Variants in UBE3A observed in about 807,000 individuals in gnomAD.
UBE3A encodes the protein ubiquitin protein ligase E3A, also known as ubiquitin-protein ligase E3A.
UBE3A carries 6 observed loss-of-function variants against 83.4 expected under a neutral mutation model. That is an observed-to-expected ratio of 0.07 (90% CI 0.04 to 0.14). The LOEUF is 0.14. Ranked by LOEUF, UBE3A falls within the 10% of genes least tolerant of loss-of-function variation. The pLI, the probability that UBE3A is intolerant of heterozygous loss-of-function variation, is 1.00. For synonymous variants in UBE3A, 337 were observed against 355.4 expected (o/e 0.95, Z 0.58); for missense variants, 456 against 1,036.1 (o/e 0.44, Z 7.69).
At chr15:25,392,833 G>C (rs2084714468) in intron 4 of UBE3A, among the ~76,000 whole-genome samples, 3 of 152,130 alleles carry the variant, frequency 2.0e-5, no homozygotes, top group African/African-American at 7.2e-5. Flanking sequence ...TGAAAATGGA[G>C]AGGCAGGGAA....
intron 4 of UBE3A, chr15:25,393,907 C>T (rs1364759470): frequency 6.6e-6 from 1 of 152,110 alleles, no homozygotes; most frequent in Non-Finnish European, 1.5e-5. Flanking sequence ...CTTTCTATAT[C>T]CAAATGCATT....
chr15:25,339,366 T>G, intron 12 of UBE3A, 109 bp from the exon 13 acceptor site: 1 of 1,374,938 alleles, frequency 7.3e-7, no homozygotes, highest in South Asian at 1.3e-5. Context: ...CGGTCTGCAA[T>G]GCAAACTATA....
intron 11 of UBE3A, among the ~76,000 whole-genome samples, chr15:25,345,402 A>G (rs1269391792): frequency 6.6e-6 from 1 of 152,178 alleles, no homozygotes; most frequent in South Asian, 2.1e-4. Flanking sequence ...AAAAAAGTTC[A>G]AATATATGTG....
At chr15:25,395,467 G>T (rs8038173) in intron 4 of UBE3A, among the ~76,000 whole-genome samples, 145,513 of 152,258 alleles carry the variant, frequency 0.96, 69,875 homozygotes, top group East Asian at 1. Flanking sequence ...ATGGGTATTT[G>T]GAAGGTGTAG....
In UBE3A at chr15:25,410,611, C is replaced by T. The variant is rs77056135; in HGVS notation, c.-101+1297G>A. Among the ~76,000 whole-genome samples, 3 of 152,288 alleles carry T rather than the reference C, an allele frequency of 2.0e-5. No individual in the cohort carries two copies. The East Asian group carries it at 5.8e-4, about 29-fold the overall frequency. ...AACCCAATATAAAACAGCAAGGTAT[C>T]TGCGAATACCAACGGTTAAAACATG... On this transcript the variant is annotated intron_variant, in intron 2 of 12. Transcript: ENST00000648336.
chr15:25,379,487 G>A (rs960280732), intron 4 of UBE3A, among the ~76,000 whole-genome samples: 1 of 152,084 alleles, frequency 6.6e-6, no homozygotes, highest in Non-Finnish European at 1.5e-5. Context: ...TGATGAGACA[G>A]GACTAAAGGA....
intron 1 of UBE3A, among the ~76,000 whole-genome samples, chr15:25,431,531 CAG>C (rs1893441597): frequency 1.3e-5 from 2 of 151,948 alleles, no homozygotes; most frequent in South Asian, 4.2e-4. Flanking sequence ...TTAGTAGAGA[CAG>C]GGTTTCACCA....
At chr15:25,386,421 G>T (rs2083149947) in intron 4 of UBE3A, among the ~76,000 whole-genome samples, 1 of 152,182 alleles carries the variant, frequency 6.6e-6, no homozygotes, top group Admixed American at 6.5e-5. Context: ...AAACAACTAT[G>T]ATTAATATGC....
At chr15:25,367,340 T>C (rs918474530) in intron 6 of UBE3A, among the ~76,000 whole-genome samples, 1 of 151,238 alleles carries the variant, frequency 6.6e-6, no homozygotes, top group East Asian at 1.9e-4. Context: ...AAATGTAAAT[T>C]TGTAAATATG....
intron 1 of UBE3A, among the ~76,000 whole-genome samples, chr15:25,432,639 T>C (rs1893801674): frequency 6.6e-6 from 1 of 152,214 alleles, no homozygotes; most frequent in Admixed American, 6.5e-5. Flanking sequence ...GTTTGGTTTC[T>C]ATAACTAAAG....
rs1227196043 is a variant in UBE3A at position 25,336,130 on chromosome 15, T to C, written c.*3007A>G. On this transcript the variant is annotated 3_prime_UTR_variant, in exon 13 of 13. Transcript: ENST00000648336. ...GGGACTCTGTACTTGTAAAACCCTC[T>C]ACCCTCCCCAGGCAATTCTTTACAC... 1 of 151,980 alleles carries C rather than the reference T, an allele frequency of 6.6e-6. No homozygotes were observed. The allele number at this position is 151,980 out of a possible 1,614,324, so 9.4% of individuals were successfully genotyped here. A position where few individuals can be genotyped will look rare whatever the true frequency, so the allele number is the denominator to read the frequency against.
At chr15:25,379,502 A>G (rs1013131740) in intron 4 of UBE3A, among the ~76,000 whole-genome samples, 10 of 152,220 alleles carry the variant, frequency 6.6e-5, no homozygotes, top group African/African-American at 2.4e-4. Flanking sequence ...AAAGGAAGCC[A>G]TGCCAGAACC....
intron 1 of UBE3A, among the ~76,000 whole-genome samples, chr15:25,434,342 G>C (rs115605180): frequency 0.017 from 2,626 of 152,228 alleles, 77 homozygotes; most frequent in African/African-American, 0.059. Flanking sequence ...ACACTGGGAA[G>C]CTAAAGTAAA....
chr15:25,399,450 T>C (rs943453888), intron 4 of UBE3A, among the ~76,000 whole-genome samples: 2 of 152,182 alleles, frequency 1.3e-5, no homozygotes, highest in Admixed American at 1.3e-4. Context: ...ACACCACCTA[T>C]TGAACAGACT....
chr15:25,372,329 G>C (rs766300464), intron 5 of UBE3A, among the ~76,000 whole-genome samples: 3 of 152,018 alleles, frequency 2.0e-5, no homozygotes, highest in Non-Finnish European at 4.4e-5. Context: ...GTTCATTTTG[G>C]GTCTTCCTAG....
chr15:25,393,806 T>C (rs1231656101), intron 4 of UBE3A: 1 of 152,214 alleles, frequency 6.6e-6, no homozygotes, highest in Non-Finnish European at 1.5e-5. Context: ...CAGGGCAGAC[T>C]ATGACTCGTG....
chr15:25,402,817 C>G (rs1184840788), intron 4 of UBE3A, among the ~76,000 whole-genome samples: 3 of 152,162 alleles, frequency 2.0e-5, no homozygotes, highest in African/African-American at 7.2e-5. Flanking sequence ...TTCAGGTAAT[C>G]TCTCGTCTGG....
chr15:25,408,672 C>G (rs1567110745), intron 3 of UBE3A: 2 of 1,613,132 alleles, frequency 1.2e-6, no homozygotes, highest in Non-Finnish European at 8.5e-7. Flanking sequence ...CCTTTTACCT[C>G]CACTGTAACT....
At chr15:25,378,014 T>A (rs947569473) in intron 4 of UBE3A, among the ~76,000 whole-genome samples, 3 of 151,834 alleles carry the variant, frequency 2.0e-5, no homozygotes, top group African/African-American at 7.3e-5. Context: ...GATTTCTTAT[T>A]TATTCTTTCC....
Sources: allele counts gnomAD v4.1 joint callset (sites outside exome capture counted in the v4.1 genomes callset), GRCh38; gene constraint gnomAD v4.1.1; transcripts MANE v1.5; gene names NCBI Gene and HGNC (gene_info 2026-07-23, HGNC 2026-07-21).